The following SORBS2 variants were observed in gnomAD, a reference collection of about 807,000 sequenced individuals.
The protein encoded by SORBS2 is sorbin and SH3 domain containing 2, also known as sorbin and SH3 domain-containing protein 2.
A neutral mutation model predicts 97.7 loss-of-function variants in SORBS2; 46 were observed. The observed-to-expected ratio is 0.47, with a 90% CI of 0.37 to 0.60. The LOEUF is 0.60. Among genes scored for constraint, SORBS2 ranks in the 20% least tolerant of loss-of-function variants. SORBS2 has a pLI of 0.00. For missense variants in SORBS2, 1,316 were observed against 1,282.3 expected (o/e 1.03, Z -0.40); for synonymous variants, 476 against 473.4 (o/e 1.01, Z -0.07).
At chr4:185,937,233 C>A (rs764275297) in intron 1 of SORBS2, among the ~76,000 whole-genome samples, 4 of 152,126 alleles carry the variant, frequency 2.6e-5, no homozygotes, top group Non-Finnish European at 4.4e-5. Context: ...ATGTTTCCTA[C>A]GCTTTGAGAA....
intron 2 of SORBS2, among the ~76,000 whole-genome samples, chr4:185,682,131 T>C (rs778924560): frequency 5.9e-5 from 9 of 152,128 alleles, no homozygotes; most frequent in Non-Finnish European, 1.2e-4. Flanking sequence ...TCCTTGTGAG[T>C]CTGGGAAACG....
chr4:185,806,869 G>A (rs531943002), intron 1 of SORBS2, among the ~76,000 whole-genome samples: 1 of 152,284 alleles, frequency 6.6e-6, no homozygotes, highest in Non-Finnish European at 1.5e-5. Flanking sequence ...TTTGGAGCCT[G>A]ACGGGTTTAT....
chr4:185,678,676 T>A (rs1014659323), intron 3 of SORBS2, 120 bp downstream of exon 6: 853 of 1,176,868 alleles, frequency 7.2e-4, no homozygotes, highest in Non-Finnish European at 9.6e-4. Context: ...AGAGGTTTAA[T>A]TTAATATGCA....
chr4:185,785,208 CT>C (rs1275501189), intron 1 of SORBS2, among the ~76,000 whole-genome samples: 1 of 94,388 alleles, frequency 1.1e-5, no homozygotes. Flanking sequence ...AAGGTATTGA[CT>C]TTGAGCGTTT....
chr4:185,952,535 G>A (rs1342475225), intron 1 of SORBS2, among the ~76,000 whole-genome samples: 1 of 152,174 alleles, frequency 6.6e-6, no homozygotes, highest in Non-Finnish European at 1.5e-5. Flanking sequence ...CCTAAAGGTG[G>A]GAGTATATGG....
At chr4:185,793,137 A>T (rs2153649004) in intron 1 of SORBS2, among the ~76,000 whole-genome samples, 1 of 152,372 alleles carries the variant, frequency 6.6e-6, no homozygotes, top group South Asian at 2.1e-4. Context: ...GCAAAGCTCC[A>T]ATACCATGTG....
At chr4:185,682,184 T>C (rs1404296326) in intron 2 of SORBS2, among the ~76,000 whole-genome samples, 1 of 152,132 alleles carries the variant, frequency 6.6e-6, no homozygotes, top group East Asian at 1.9e-4. Flanking sequence ...CAATTTTTCA[T>C]TGGAAAGAAA....
intron 4 of SORBS2, among the ~76,000 whole-genome samples, chr4:185,664,949 T>A (rs961227681): frequency 6.6e-6 from 1 of 152,286 alleles, no homozygotes; most frequent in East Asian, 1.9e-4. Context: ...ATATGCAATA[T>A]AGAATCTGTG....
At chr4:185,638,995 G>T (rs549683102) in intron 4 of SORBS2, 3 of 1,524,266 alleles carry the variant, frequency 2.0e-6, no homozygotes, top group South Asian at 2.5e-5. Flanking sequence ...CTTCCGGCCA[G>T]GTTCCCTTGG....
At chr4:185,694,844 T>G (rs74396723) in intron 2 of SORBS2, among the ~76,000 whole-genome samples, 4,059 of 151,956 alleles carry the variant, frequency 0.027, 195 homozygotes, top group African/African-American at 0.094. Flanking sequence ...GTAGCTGGAA[T>G]TACAGGCGTG....
intron 2 of SORBS2, among the ~76,000 whole-genome samples, chr4:185,732,633 C>T (rs2098650804): frequency 6.6e-6 from 1 of 152,160 alleles, no homozygotes; most frequent in Admixed American, 6.5e-5. Context: ...GTTTGGGAAC[C>T]AAAGGCTGTG....
At chr4:185,750,935 A>T (rs1310983574) in intron 2 of SORBS2, among the ~76,000 whole-genome samples, 1 of 152,054 alleles carries the variant, frequency 6.6e-6, no homozygotes, top group African/African-American at 2.4e-5. Context: ...TTCAAATCAC[A>T]TGAGCAAATA....
intron 4 of SORBS2, among the ~76,000 whole-genome samples, chr4:185,634,782 T>C (rs2096966632): frequency 6.6e-6 from 1 of 152,164 alleles, no homozygotes; most frequent in Non-Finnish European, 1.5e-5. Flanking sequence ...GCTGCCTGGA[T>C]TACAGTGTTG....
intron 1 of SORBS2, among the ~76,000 whole-genome samples, chr4:185,831,664 G>A (rs1432096289): frequency 6.6e-6 from 1 of 152,168 alleles, no homozygotes; most frequent in African/African-American, 2.4e-5. Flanking sequence ...GTATGTGGAC[G>A]GGTGTTGGCC....
At chr4:185,907,811 T>A (rs971361551) in intron 1 of SORBS2, among the ~76,000 whole-genome samples, 1 of 152,166 alleles carries the variant, frequency 6.6e-6, no homozygotes, top group African/African-American at 2.4e-5. Flanking sequence ...TCAGTTTAAG[T>A]CATTTCCAAT....
chr4:185,931,808 G>GACACACAC (rs1164963199), intron 1 of SORBS2, among the ~76,000 whole-genome samples: 4 of 56,210 alleles, frequency 7.1e-5, no homozygotes, highest in Non-Finnish European at 1.6e-4. Flanking sequence ...GGCAGAGACA[G>GACACACAC]ACAGACACAC....
At chr4:185,894,261 T>C (rs2099243935) in intron 1 of SORBS2, 1 of 68,618 alleles carries the variant, frequency 1.5e-5, no homozygotes, top group African/African-American at 6.2e-5. Context: ...AAGAAAATGT[T>C]GGCAGGTGTT....
chr4:185,764,955 T>C (rs188832179), intron 2 of SORBS2, among the ~76,000 whole-genome samples: 6 of 152,316 alleles, frequency 3.9e-5, no homozygotes, highest in Admixed American at 3.9e-4. Context: ...AGGTTTTTAA[T>C]GAATACTCTT....
At chr4:185,618,254 C>A (rs927640872) in intron 9 of SORBS2, among the ~76,000 whole-genome samples, 1 of 152,194 alleles carries the variant, frequency 6.6e-6, no homozygotes, top group African/African-American at 2.4e-5. Context: ...GGATTACAGG[C>A]ATGAGCCACT....
Sources: allele counts gnomAD v4.1 joint callset (sites outside exome capture counted in the v4.1 genomes callset), GRCh38; gene constraint gnomAD v4.1.1; transcripts MANE v1.5; gene names NCBI Gene and HGNC (gene_info 2026-07-23, HGNC 2026-07-21).